TTC7A: variants seen among roughly 807,000 people sequenced by gnomAD.
TTC7A encodes the protein tetratricopeptide repeat protein 7A.
TTC7A carries 110 observed loss-of-function variants against 103.7 expected under a neutral mutation model. The ratio of observed to expected loss-of-function variants is 1.06; its 90% confidence interval spans 0.91 to 1.24. The LOEUF (loss-of-function observed/expected upper bound fraction) is 1.24. Among genes scored for constraint, TTC7A ranks in the 50% most tolerant of loss-of-function variants. TTC7A has a pLI of 0.00. For missense variants in TTC7A, 1,340 were observed against 1,116.3 expected, an observed-to-expected ratio of 1.20 and a Z score of -2.86; for synonymous variants, 521 against 467.9, an observed-to-expected ratio of 1.11 and a Z score of -1.47.
At chr2:47,032,187 A>C (rs750870068) in intron 15 of TTC7A, among the ~76,000 whole-genome samples, 8 of 152,184 alleles carry the variant, frequency 5.3e-5, no homozygotes, top group Non-Finnish European at 1.0e-4. Context: ...AAGGGTGGAC[A>C]TCTGGGTCTC....
intron 5 of TTC7A, among the ~76,000 whole-genome samples, chr2:46,988,517 A>T (rs959081091): frequency 6.6e-6 from 1 of 152,226 alleles, no homozygotes; most frequent in African/African-American, 2.4e-5. Flanking sequence ...GGCCATATGC[A>T]CTAGTATCTG....
At chr2:46,999,909 C>T in intron 8 of TTC7A, 1 of 985,314 alleles carries the variant, frequency 1.0e-6, no homozygotes, top group South Asian at 4.7e-5. Flanking sequence ...TCTCTGGGTC[C>T]TGGGACTCTG....
chr2:47,026,412 T>G (rs1478697604), intron 14 of TTC7A, among the ~76,000 whole-genome samples: 1 of 152,126 alleles, frequency 6.6e-6, no homozygotes, highest in Non-Finnish European at 1.5e-5. Flanking sequence ...CGGGGAGAAC[T>G]CCGGGCCTGG....
At chr2:46,924,066 G>A (rs954877545) in intron 2 of TTC7A, among the ~76,000 whole-genome samples, 136 of 152,106 alleles carry the variant, frequency 8.9e-4, no homozygotes, top group African/African-American at 3.1e-3. Context: ...ATAGCCAGGC[G>A]TGGTGGTGTG....
intron 5 of TTC7A, among the ~76,000 whole-genome samples, chr2:46,991,068 C>A (rs2104366282): frequency 6.6e-6 from 1 of 152,252 alleles, no homozygotes; most frequent in Non-Finnish European, 1.5e-5. Context: ...ACGGGCGCCA[C>A]CACAGCCTAG....
intron 19 of TTC7A, among the ~76,000 whole-genome samples, chr2:47,064,678 A>G (rs1366002831): frequency 1.3e-5 from 2 of 152,104 alleles, no homozygotes; most frequent in African/African-American, 4.8e-5. Context: ...GGGAGTCCCA[A>G]CAGTGACTGG....
rs371710684 is a variant in TTC7A at position 46,957,581 on chromosome 2, C to T, written c.517+574C>T. Among the ~76,000 whole-genome samples the T allele has an allele frequency of 2.6e-5, 4 of 152,300 alleles. No individual in the cohort carries two copies. The East Asian group carries it at 7.7e-4, about 29-fold the overall frequency. ...GTTCCTGGAGGAGCTCTTAGCCTTCCAGGGTCAAGGGGTGCTCTGGAGGGG... is the reference window on the plus strand; with the variant it reads ...GTTCCTGGAGGAGCTCTTAGCCTTCTAGGGTCAAGGGGTGCTCTGGAGGGG... On this transcript the variant is annotated intron_variant, in intron 3 of 19. Transcript: ENST00000319190.
chr2:46,926,351 A>G (rs1467101362), intron 2 of TTC7A, among the ~76,000 whole-genome samples: 1 of 152,234 alleles, frequency 6.6e-6, no homozygotes, highest in Non-Finnish European at 1.5e-5. Context: ...CCTATCCTCA[A>G]GATACAGTCT....
intron 17 of TTC7A, 105 bp downstream of exon 17, chr2:47,050,151 C>T: frequency 1.0e-6 from 1 of 973,016 alleles, no homozygotes; most frequent in Non-Finnish European, 1.6e-6. Flanking sequence ...CCAGCCGGGC[C>T]AAGCCCACCA....
chr2:46,943,396 G>T (rs747350317), intron 1 of TTC7A, among the ~76,000 whole-genome samples: 1 of 152,274 alleles, frequency 6.6e-6, no homozygotes, highest in Admixed American at 6.5e-5. Flanking sequence ...GCCTGGGCTG[G>T]CTTCACTGTG....
chr2:47,050,194 G>T, intron 17 of TTC7A, 148 bp downstream of exon 17: 1 of 668,390 alleles, frequency 1.5e-6, no homozygotes, highest in Non-Finnish European at 2.6e-6. Flanking sequence ...AACTTCTGGG[G>T]CTGATCTTGG....
intron 19 of TTC7A, among the ~76,000 whole-genome samples, chr2:47,064,476 A>G (rs1684030107): frequency 6.6e-6 from 1 of 152,222 alleles, no homozygotes; most frequent in Non-Finnish European, 1.5e-5. Context: ...GTGAGAAGGA[A>G]GGCAGAGGCC....
intron 15 of TTC7A, among the ~76,000 whole-genome samples, chr2:47,044,261 C>G (rs903541740): frequency 8.5e-5 from 13 of 152,216 alleles, no homozygotes; most frequent in African/African-American, 2.9e-4. Context: ...TGAGTCTGAT[C>G]CAAAAATTCA....
At chr2:46,916,242 T>G (rs1046690551) in exon 1 of TTC7A, 1 of 887,062 alleles carries the variant, frequency 1.1e-6, no homozygotes, top group African/African-American at 1.8e-5. Flanking sequence ...TAATTCCTTC[T>G]TGATGAAACG....
At chr2:47,027,046 G>T (rs145671319) in intron 14 of TTC7A, among the ~76,000 whole-genome samples, 1 of 152,114 alleles carries the variant, frequency 6.6e-6, no homozygotes, top group African/African-American at 2.4e-5. Context: ...TTTATCCCAG[G>T]GCCAGGCCTT....
chr2:47,054,014 C>T (rs888215293), intron 18 of TTC7A: 1 of 737,536 alleles, frequency 1.4e-6, no homozygotes, highest in East Asian at 1.3e-4. Flanking sequence ...AGTAATTAGA[C>T]TTGGGAATGT....
intron 3 of TTC7A, among the ~76,000 whole-genome samples, chr2:46,968,934 GT>G (rs34000426): frequency 0.69 from 97,259 of 140,546 alleles, 33,352 homozygotes; most frequent in Middle Eastern, 0.76. Flanking sequence ...TTGTTTTTGT[GT>G]TTTTTTTTTT....
chr2:46,939,334 G>A (rs1670138332), upstream of TTC7A, among the ~76,000 whole-genome samples: 1 of 152,060 alleles, frequency 6.6e-6, no homozygotes, highest in Non-Finnish European at 1.5e-5. Flanking sequence ...GTGGGTTCTT[G>A]TTCCTAGTTT....
intron 2 of TTC7A, among the ~76,000 whole-genome samples, chr2:46,922,959 C>T (rs1669182703): frequency 6.6e-6 from 1 of 152,186 alleles, no homozygotes; most frequent in Non-Finnish European, 1.5e-5. Context: ...ATGGATTTCC[C>T]AAGACCCCCT....
Sources: allele counts gnomAD v4.1 joint callset (sites outside exome capture counted in the v4.1 genomes callset), GRCh38; gene constraint gnomAD v4.1.1; transcripts MANE v1.5; gene names NCBI Gene and HGNC (gene_info 2026-07-23, HGNC 2026-07-21).